PPWD1: variants seen among roughly 807,000 people sequenced by gnomAD.
The protein encoded by PPWD1 is peptidylprolyl isomerase domain and WD repeat-containing protein 1.
PPWD1 carries 43 observed loss-of-function variants against 68.8 expected under a neutral mutation model. The observed-to-expected ratio is 0.62, with a 90% CI of 0.49 to 0.81. The LOEUF is 0.81. Among genes scored for constraint, PPWD1 ranks in the 30% least tolerant of loss-of-function variants. The pLI, the probability that PPWD1 is intolerant of heterozygous loss-of-function variation, is 0.00. For missense variants in PPWD1, 672 were observed against 804.8 expected (o/e 0.83, Z 2.00); for synonymous variants, 232 against 258.7 (o/e 0.90, Z 0.99).
intron 10 of PPWD1, among the ~76,000 whole-genome samples, chr5:65,587,035 T>C (rs1753879745): frequency 1.3e-5 from 2 of 152,168 alleles, no homozygotes; most frequent in East Asian, 1.9e-4. Flanking sequence ...GATGCAGATA[T>C]TTAATTAAAC....
intron 8 of PPWD1, among the ~76,000 whole-genome samples, chr5:65,583,475 A>G (rs907220569): frequency 1.3e-5 from 2 of 152,204 alleles, no homozygotes; most frequent in Non-Finnish European, 2.9e-5. Flanking sequence ...TGTAAACTGT[A>G]AAGTGATACA....
intron 5 of PPWD1, among the ~76,000 whole-genome samples, chr5:65,574,511 C>T (rs1452769624): frequency 2.4e-5 from 3 of 127,494 alleles, no homozygotes; most frequent in African/African-American, 9.2e-5. Flanking sequence ...GGCCGGACTG[C>T]GGACTGTAGT....
chr5:65,582,891 C>T, intron 7 of PPWD1, 147 bp from the exon 8 acceptor site: 2 of 1,067,688 alleles, frequency 1.9e-6, no homozygotes, highest in East Asian at 2.8e-5. Flanking sequence ...CCTGACACAT[C>T]CTGTATGGGA....
chr5:65,586,632 A>G (rs1365160988), intron 10 of PPWD1, among the ~76,000 whole-genome samples: 2 of 152,180 alleles, frequency 1.3e-5, no homozygotes, highest in Non-Finnish European at 2.9e-5. Flanking sequence ...TTGCTATGCC[A>G]TAACACAAAA....
chr5:65,565,573 G>C (rs1752710961), intron 1 of PPWD1, among the ~76,000 whole-genome samples: 1 of 152,064 alleles, frequency 6.6e-6, no homozygotes, highest in African/African-American at 2.4e-5. Context: ...GGAGGCTGAG[G>C]CGGGCAGATC....
rs377652689 is a variant in PPWD1 at position 65,569,742 on chromosome 5, G to A, written c.400+10G>A. The A allele has an allele frequency of 1.9e-6, 3 of 1,603,516 alleles. No homozygotes were observed. In the African/African-American group the frequency reaches 4.0e-5, roughly 22 times the overall value. On this transcript the variant is annotated intron_variant, in intron 3 of 10. Transcript: ENST00000261308. ...TTTCGTAGTCACCTGGGTAAGAATT[G>A]CACCTCATTTTCTTGTAGCTCTTTC...
In PPWD1 at chr5:65,563,299, G is replaced by T; in HGVS notation, c.-12G>T. The T allele has an allele frequency of 1.2e-6, 2 of 1,608,614 alleles. No individual in the cohort carries two copies. The highest frequency in any genetic ancestry group is 2.2e-5 in the South Asian group (2 of 90,562). On this transcript the variant is annotated 5_prime_UTR_variant, in exon 1 of 11. Coordinates refer to ENST00000261308, the MANE Select transcript of PPWD1 (RefSeq NM_015342.4). ...AGTTTTGTGTCGCGCCTTTTCTGAC[G>T]ATGCGAACAACATGGCGGCGGAAAG...
At chr5:65,574,405 T>C (rs1753181845) in intron 5 of PPWD1, among the ~76,000 whole-genome samples, 1 of 151,610 alleles carries the variant, frequency 6.6e-6, no homozygotes, top group Non-Finnish European at 1.5e-5. Context: ...CAAGATCCCT[T>C]AGGCAAAGAA....
In PPWD1 at chr5:65,569,916, T is replaced by TTGTTC; in HGVS notation, c.448_452dup (p.Gly152LeufsTer8). 1.2e-6 allele frequency: 2 copies of TTGTTC among 1,611,826 alleles called. No homozygotes were observed. The highest frequency in any genetic ancestry group is 1.7e-6 in the Non-Finnish European group (2 of 1,178,506). ...TATTGCAGTTAGCTCTGAGGGAGCA[T>TTGTTC]TGTTCTGTTCTGTGGGTGATGATAA... On this transcript the variant is annotated frameshift_variant, in exon 4 of 11. Transcript: ENST00000261308. LOFTEE classifies it high-confidence loss of function.
At chr5:65,573,680 G>GT (rs1037975638) in intron 5 of PPWD1, among the ~76,000 whole-genome samples, 17 of 150,240 alleles carry the variant, frequency 1.1e-4, no homozygotes, top group African/African-American at 3.4e-4. Flanking sequence ...AGCCAGCAGA[G>GT]TTTTTTTTAA....
chr5:65,570,585 CAAA>C (rs1021050271), intron 4 of PPWD1, among the ~76,000 whole-genome samples: 2 of 151,822 alleles, frequency 1.3e-5, no homozygotes, highest in East Asian at 3.9e-4. Flanking sequence ...GATGCCATAA[CAAA>C]AAAACCATAG....
intron 2 of PPWD1, chr5:65,569,059 T>C: frequency 2.2e-6 from 1 of 454,850 alleles, no homozygotes; most frequent in South Asian, 1.6e-5. Flanking sequence ...ATACGTAGAG[T>C]TGCTGTAAAA....
At chr5:65,576,628 G>T (rs192589894) in intron 5 of PPWD1, among the ~76,000 whole-genome samples, 1 of 152,148 alleles carries the variant, frequency 6.6e-6, no homozygotes, top group East Asian at 1.9e-4. Context: ...ACCTGCCTTG[G>T]CCTCCCAAAA....
intron 6 of PPWD1, among the ~76,000 whole-genome samples, chr5:65,579,113 C>T (rs1753475073): frequency 6.6e-6 from 1 of 151,992 alleles, no homozygotes; most frequent in Admixed American, 6.6e-5. Context: ...GATGGGGTTT[C>T]ACCACGTTGG....
chr5:65,566,366 T>TA (rs1470627087), intron 1 of PPWD1, among the ~76,000 whole-genome samples: 1 of 152,194 alleles, frequency 6.6e-6, no homozygotes, highest in East Asian at 1.9e-4. Flanking sequence ...TTATTAAGAT[T>TA]ACAGCAGTTA....
At chr5:65,582,208 T>C (rs545690156) in intron 7 of PPWD1, among the ~76,000 whole-genome samples, 2 of 152,282 alleles carry the variant, frequency 1.3e-5, no homozygotes, top group South Asian at 4.1e-4. Context: ...CAGATAGAGG[T>C]TGCTTAGGAG....
intron 6 of PPWD1, among the ~76,000 whole-genome samples, chr5:65,578,884 G>T (rs1249301846): frequency 2.0e-5 from 3 of 150,922 alleles, no homozygotes; most frequent in African/African-American, 7.3e-5. Flanking sequence ...CGTTCTCCTA[G>T]TCTGTGACTT....
intron 7 of PPWD1, among the ~76,000 whole-genome samples, chr5:65,580,718 T>C (rs1442388327): frequency 6.6e-6 from 1 of 152,180 alleles, no homozygotes; most frequent in Non-Finnish European, 1.5e-5. Flanking sequence ...TTCACCATGT[T>C]GGCCAGGCTG....
chr5:65,569,991 A>G lies in PPWD1; in HGVS notation c.514A>G (p.Lys172Glu), dbSNP rs201672695. 49 of 1,610,190 alleles carry G rather than the reference A, an allele frequency of 3.0e-5. No individual in the cohort carries two copies. The highest frequency in any genetic ancestry group is 2.0e-5 in the Non-Finnish European group (23 of 1,177,740). ...VVNFDMINMLKLGYFPGQCEW... is the reference protein window; with the variant it reads ...VVNFDMINMLELGYFPGQCEW... ...GAACTTTGACATGATCAACATGCTG[A>G]AACTTGGGTGAGTCTTTTTAAAAGT... The change falls in exon 4 of 11, where the codon AAA becomes GAA. Residue 172 changes from lysine (K) to glutamate (E), a missense_variant. Physicochemically the swap from Lys to Glu is moderately conservative, Grantham distance 56. Transcript: ENST00000261308.
Sources: gnomAD v4.1 joint callset for allele counts (sites outside exome capture counted in the v4.1 genomes callset) on GRCh38, gnomAD v4.1.1 for gene constraint, MANE v1.5 for transcripts, NCBI Gene and HGNC (gene_info 2026-07-23, HGNC 2026-07-21) for gene names.